The following ITIH5 variants were observed in gnomAD, a reference collection of about 807,000 sequenced individuals.
ITIH5 encodes the protein inter-alpha-trypsin inhibitor heavy chain H5.
In ITIH5, 65 loss-of-function variants were observed where a neutral mutation model predicts 77.5. That is an observed-to-expected ratio of 0.84 (90% CI 0.69 to 1.03). The LOEUF (loss-of-function observed/expected upper bound fraction) is 1.03. Among genes scored for constraint, ITIH5 ranks in the 50% least tolerant of loss-of-function variants. ITIH5 has a pLI of 0.00. For missense variants in ITIH5, 1,208 were observed against 1,213.1 expected (o/e 1.00, Z 0.06); for synonymous variants, 525 against 494.3 (o/e 1.06, Z -0.82).
intron 1 of ITIH5, among the ~76,000 whole-genome samples, chr10:7,665,662 C>T (rs1358281332): frequency 6.6e-6 from 1 of 152,180 alleles, no homozygotes; most frequent in Non-Finnish European, 1.5e-5. Flanking sequence ...TAGCTGAGTC[C>T]TTGCAAGTTT....
chr10:7,642,135 C>T lies in ITIH5; in HGVS notation c.136-45G>A, dbSNP rs754585250. On this transcript the variant is annotated intron_variant, in intron 2 of 13. Coordinates refer to ENST00000397146, the MANE Select transcript of ITIH5 (RefSeq NM_030569.7). ...CAGTATCATCGGTGATGCATGAAAG[C>T]ATTTTGGTGGTAGTGGAACATCTTT... 3.4e-6 allele frequency: 5 copies of T among 1,487,356 alleles called. No homozygotes were observed. The East Asian group carries it at 1.2e-4, about 35-fold the overall frequency. 92.1% of individuals were successfully genotyped at this position (1,487,356 alleles called of 1,614,324 possible).
chr10:7,569,679 T>C lies in ITIH5; in HGVS notation c.2138A>G (p.His713Arg), dbSNP rs1158584491. The stretch of plus-strand genomic sequence containing the variant: ...AAGGTAGAACTTACCAGAGTCCCTG[T>C]GATCAGAGACCAGCCTGAGGATGTC... ...PGDILRLVSD[H>R]RDSGVTVNGE... The change falls in exon 12 of 14, where the codon CAC (histidine) becomes CGC (arginine). Residue 713 changes from histidine (H) to arginine (R), a missense_variant. His to Arg is a conservative substitution (Grantham distance 29). Transcript: ENST00000397146. 13 of 1,605,466 alleles carry C rather than the reference T, an allele frequency of 8.1e-6. No individual in the cohort carries two copies. The highest frequency in any genetic ancestry group is 1.1e-5 in the Non-Finnish European group (13 of 1,176,086).
chr10:7,576,119 G>C (rs574121805), intron 10 of ITIH5, among the ~76,000 whole-genome samples: 1 of 152,168 alleles, frequency 6.6e-6, no homozygotes, highest in South Asian at 2.1e-4. Context: ...CAAACTCCTG[G>C]GCTCCAGTGA....
At chr10:7,644,820 ATATATAT>A (rs1833974694) in intron 2 of ITIH5, among the ~76,000 whole-genome samples, 6 of 101,448 alleles carry the variant, frequency 5.9e-5, no homozygotes, top group Non-Finnish European at 1.2e-4. Context: ...CATATATATC[ATATATAT>A]CACATATATA....
At chr10:7,616,957 A>C (rs1412510986) in intron 6 of ITIH5, among the ~76,000 whole-genome samples, 156 bp downstream of exon 6, 2 of 152,340 alleles carry the variant, frequency 1.3e-5, no homozygotes, top group South Asian at 2.1e-4. Flanking sequence ...CAGCAAAAAA[A>C]TACCGCTAGT....
chr10:7,631,961 A>ATTTTTT (rs34105815), intron 5 of ITIH5, among the ~76,000 whole-genome samples: 59 of 139,490 alleles, frequency 4.2e-4, no homozygotes, highest in African/African-American at 1.5e-3. Context: ...TAATTTTTGT[A>ATTTTTT]TTTTTTTTTT....
intron 7 of ITIH5, among the ~76,000 whole-genome samples, chr10:7,589,267 G>C (rs1291714370): frequency 6.6e-6 from 1 of 152,164 alleles, no homozygotes; most frequent in Admixed American, 6.5e-5. Flanking sequence ...AGACCAGCCT[G>C]GCCCATGTGG....
intron 7 of ITIH5, among the ~76,000 whole-genome samples, chr10:7,599,255 A>G (rs1832967607): frequency 6.6e-6 from 1 of 152,220 alleles, no homozygotes; most frequent in Non-Finnish European, 1.5e-5. Flanking sequence ...AGCCAAGAAC[A>G]CAGCCTTAGT....
intron 8 of ITIH5, among the ~76,000 whole-genome samples, chr10:7,581,642 A>AT (rs1006089211): frequency 1.3e-5 from 2 of 150,322 alleles, no homozygotes; most frequent in Admixed American, 1.3e-4. Flanking sequence ...CTACATGTAC[A>AT]TTTTTCTGCA....
chr10:7,565,008 A>G (rs1317843981), intron 13 of ITIH5, among the ~76,000 whole-genome samples: 1 of 148,772 alleles, frequency 6.7e-6, no homozygotes, highest in Non-Finnish European at 1.5e-5. Context: ...CTGTATACCT[A>G]CATATATACA....
In ITIH5 at chr10:7,560,534, T is replaced by C. The variant is rs1490735469; in HGVS notation, c.*2549A>G. ...CCCTTTAGCCTGAAGTTGTAAAGCA[T>C]TAAAAAGTCAAATGGAGGAAGATGG... On this transcript the variant is annotated 3_prime_UTR_variant, in exon 14 of 14. Coordinates refer to ENST00000397146, the MANE Select transcript of ITIH5 (RefSeq NM_030569.7). 6.6e-6 allele frequency: 1 copy of C among 152,140 alleles called. No homozygotes were observed. Among genetic ancestry groups the C allele is most frequent in the East Asian group, 1.9e-4 (1 of 5,194 alleles). The allele number at this position is 152,140 out of a possible 1,614,324, so 9.4% of individuals were successfully genotyped here. A position where few individuals can be genotyped will look rare whatever the true frequency, so the allele number is the denominator to read the frequency against.
chr10:7,588,726 C>T (rs1258025464), intron 7 of ITIH5, among the ~76,000 whole-genome samples: 2 of 152,226 alleles, frequency 1.3e-5, no homozygotes, highest in Non-Finnish European at 2.9e-5. Flanking sequence ...GATGACGACG[C>T]TGACGATATT....
chr10:7,640,932 A>C, intron 3 of ITIH5, 77 bp from the exon 4 acceptor site: 2 of 921,716 alleles, frequency 2.2e-6, no homozygotes, highest in Non-Finnish European at 3.6e-6. Flanking sequence ...TAACCATGAC[A>C]ACCCCAGGAA....
intron 2 of ITIH5, 60 bp from the exon 3 acceptor site, chr10:7,642,150 G>T: frequency 1.5e-6 from 2 of 1,349,076 alleles, no homozygotes; most frequent in Non-Finnish European, 1.0e-6. Flanking sequence ...TGGTGGTAGT[G>T]GAACATCTTT....
Position 7,644,626 on chromosome 10 carries a change from C to CACATATATATCAT in ITIH5, c.136-2537_136-2536insATGATATATATGT, listed in dbSNP as rs1564277746. On this transcript the variant is annotated intron_variant, in intron 2 of 13. Transcript: ENST00000397146. ...TATCACATATATCACATATATATCA[C>CACATATATATCAT]ATATATCACATATATATCATATATA... 4.2e-4 allele frequency among the ~76,000 whole-genome samples: 41 copies of CACATATATATCAT among 98,400 alleles called. 1 individual carries two copies. In the East Asian group the frequency reaches 8.6e-3, roughly 21 times the overall value. 64.6% of individuals were successfully genotyped at this position (98,400 alleles called of 152,430 possible). A position where few individuals can be genotyped will look rare whatever the true frequency, so the allele number is the denominator to read the frequency against.
At chr10:7,574,481 T>A (rs1167726794) in intron 10 of ITIH5, among the ~76,000 whole-genome samples, 1 of 151,808 alleles carries the variant, frequency 6.6e-6, no homozygotes, top group African/African-American at 2.4e-5. Flanking sequence ...AAAGGAAGAA[T>A]CTTCATTTAA....
chr10:7,595,725 C>G (rs993995001), intron 7 of ITIH5, among the ~76,000 whole-genome samples: 1 of 152,240 alleles, frequency 6.6e-6, no homozygotes, highest in Admixed American at 6.5e-5. Flanking sequence ...TAAGTAAACT[C>G]TGGCCGGGTG....
intron 7 of ITIH5, among the ~76,000 whole-genome samples, chr10:7,607,612 G>C (rs759430289): frequency 6.6e-6 from 1 of 152,218 alleles, no homozygotes; most frequent in Non-Finnish European, 1.5e-5. Flanking sequence ...TCAGGAGTTC[G>C]AGATCAGCCT....
At chr10:7,582,013 T>C (rs752799234) in intron 8 of ITIH5, among the ~76,000 whole-genome samples, 33 of 151,514 alleles carry the variant, frequency 2.2e-4, no homozygotes, top group East Asian at 5.8e-4. Context: ...GTAGCTGGGA[T>C]TACAGGCACA....
Sources: gnomAD v4.1 joint callset for allele counts (sites outside exome capture counted in the v4.1 genomes callset) on GRCh38, gnomAD v4.1.1 for gene constraint, MANE v1.5 for transcripts, NCBI Gene and HGNC (gene_info 2026-07-23, HGNC 2026-07-21) for gene names.